CUL2: variants seen among roughly 807,000 people sequenced by gnomAD.
CUL2 encodes the protein cullin 2, also known as cullin-2.
CUL2 carries 22 observed loss-of-function variants against 110.2 expected under a neutral mutation model. That is an observed-to-expected ratio of 0.20 (90% CI 0.14 to 0.28). CUL2 has a LOEUF of 0.28. Among genes scored for constraint, CUL2 ranks in the 10% least tolerant of loss-of-function variants. The probability of loss-of-function intolerance (pLI) is 1.00; values close to 1 mark genes in which losing one functional copy is unlikely to be tolerated. For synonymous variants in CUL2, 279 were observed against 293.2 expected (o/e 0.95, Z 0.49); for missense variants, 631 against 905.5 (o/e 0.70, Z 3.89).
At chr10:35,073,992 T>C (rs2135005325) in intron 1 of CUL2, 1 of 702,240 alleles carries the variant, frequency 1.4e-6, no homozygotes, top group South Asian at 1.5e-5. Flanking sequence ...AATGGTGGCA[T>C]CAGGATTCAG....
At position 35,075,391 on chromosome 10, in the gene CUL2, A is replaced by G. The variant is rs566326953; in HGVS notation, c.-22-4052T>C. ...CAGGGCAAAGAAGAAAAAGGACCACAGTCACACTATTTCTACCCCCCAAGC... is the reference window on the plus strand; with the variant it reads ...CAGGGCAAAGAAGAAAAAGGACCACGGTCACACTATTTCTACCCCCCAAGC... On this transcript the variant is annotated intron_variant, in intron 1 of 20. Transcript: ENST00000374749. Among the ~76,000 whole-genome samples, 825 of 152,306 alleles carry G rather than the reference A, an allele frequency of 5.4e-3. 1 individual carries two copies. The highest frequency in any genetic ancestry group is 7.9e-3 in the Non-Finnish European group (537 of 68,026).
intron 1 of CUL2, among the ~76,000 whole-genome samples, chr10:35,103,618 C>T (rs986345861): frequency 3.6e-4 from 54 of 152,064 alleles, no homozygotes; most frequent in Middle Eastern, 3.4e-3. Context: ...CCACCGCGCC[C>T]GGCCTAATTT....
At chr10:35,115,900 A>C (rs1439903994) in intron 1 of CUL2, among the ~76,000 whole-genome samples, 1 of 152,152 alleles carries the variant, frequency 6.6e-6, no homozygotes, top group Non-Finnish European at 1.5e-5. Context: ...CTCAAAAAAT[A>C]TAATAAAATA....
intron 1 of CUL2, among the ~76,000 whole-genome samples, chr10:35,071,676 G>C (rs1374180181): frequency 1.3e-5 from 2 of 152,158 alleles, no homozygotes; most frequent in African/African-American, 2.4e-5. Context: ...CCAAAGTGCT[G>C]GGATTACAGG....
At chr10:35,062,906 T>C (rs963087939) in intron 3 of CUL2, 54 bp downstream of exon 3, 2 of 1,013,582 alleles carry the variant, frequency 2.0e-6, no homozygotes, top group African/African-American at 3.2e-5. Flanking sequence ...AACAGTAAAC[T>C]AGTAAAGTAT....
At chr10:35,024,532 T>C (rs1359579093) in intron 17 of CUL2, among the ~76,000 whole-genome samples, 1 of 152,226 alleles carries the variant, frequency 6.6e-6, no homozygotes, top group African/African-American at 2.4e-5. Flanking sequence ...AGTGTCTGCT[T>C]TGGCTTACAT....
intron 1 of CUL2, among the ~76,000 whole-genome samples, chr10:35,085,369 G>A (rs978632270): frequency 6.6e-6 from 1 of 151,460 alleles, no homozygotes; most frequent in African/African-American, 2.4e-5. Flanking sequence ...GGCAGAGCTT[G>A]CAGTGAGCTG....
At chr10:35,070,276 T>C (rs1346739113) in intron 2 of CUL2, among the ~76,000 whole-genome samples, 1 of 152,236 alleles carries the variant, frequency 6.6e-6, no homozygotes, top group Non-Finnish European at 1.5e-5. Flanking sequence ...ATAGTTGGCT[T>C]AACAAACTTT....
chr10:35,028,055 C>T (rs958695497), intron 16 of CUL2, among the ~76,000 whole-genome samples: 5 of 152,126 alleles, frequency 3.3e-5, no homozygotes, highest in Admixed American at 2.6e-4. Flanking sequence ...TAAAAGACTG[C>T]CAAGGCCAGG....
chr10:35,116,029 A>T (rs549035379), intron 1 of CUL2, among the ~76,000 whole-genome samples: 11 of 152,116 alleles, frequency 7.2e-5, no homozygotes, highest in African/African-American at 2.4e-4. Flanking sequence ...TACAGATCTG[A>T]TAGACATTAA....
chr10:35,073,789 A>G (rs1334206501), intron 1 of CUL2, among the ~76,000 whole-genome samples: 2 of 151,844 alleles, frequency 1.3e-5, no homozygotes, highest in African/African-American at 2.4e-5. Flanking sequence ...TTTTTAGTAG[A>G]GACAGGGTTT....
intron 1 of CUL2, chr10:35,079,508 G>A (rs544190115): frequency 8.4e-4 from 128 of 152,742 alleles, no homozygotes; most frequent in African/African-American, 2.9e-3. Context: ...CTCTGCTCAT[G>A]TCTTCCACCC....
At chr10:35,051,140 C>T (rs544349452) in intron 5 of CUL2, among the ~76,000 whole-genome samples, 2 of 151,146 alleles carry the variant, frequency 1.3e-5, no homozygotes, top group East Asian at 3.9e-4. Flanking sequence ...AGGGTGAAAC[C>T]CCATCTCTAC....
At chr10:35,036,713 C>T (rs539452517) in intron 9 of CUL2, among the ~76,000 whole-genome samples, 5 of 152,254 alleles carry the variant, frequency 3.3e-5, no homozygotes, top group Non-Finnish European at 7.4e-5. Context: ...TACCCTATAA[C>T]TGTCTTCTGA....
At chr10:35,120,384 AATAAC>A (rs1021942605) in intron 1 of CUL2, 2 of 152,162 alleles carry the variant, frequency 1.3e-5, no homozygotes, top group African/African-American at 4.8e-5. Context: ...TCAATAAATA[AATAAC>A]ATAAAATATA....
chr10:35,018,562 A>G (rs565445438), intron 17 of CUL2, among the ~76,000 whole-genome samples: 4 of 152,052 alleles, frequency 2.6e-5, no homozygotes, highest in Admixed American at 1.3e-4. Flanking sequence ...TCTGGAGTTC[A>G]AGACCAGCCT....
At chr10:35,040,364 T>C (rs2085751595) in intron 8 of CUL2, among the ~76,000 whole-genome samples, 1 of 152,102 alleles carries the variant, frequency 6.6e-6, no homozygotes, top group Non-Finnish European at 1.5e-5. Context: ...CAACAACATA[T>C]ACACAGACAA....
In CUL2 at chr10:35,031,351, A is replaced by T; in HGVS notation, c.1335T>A (p.His445Gln). Residue 445 changes from histidine (H) to glutamine (Q), a missense_variant, in exon 14 of 21, where the codon CAT becomes CAA. This residue lies in a region of CUL2 where 134 missense variants were observed against 260.4 expected (regional missense o/e 0.51). Transcript: ENST00000374749. This position sits in a 1 kb window ranked among gnomAD's most constrained non-coding sequence, Gnocchi z 4.4. ...YARMLAKRLI[H>Q]GLSMSMDSEE... The stretch of plus-strand genomic sequence containing the variant: ...CAGAGTCCATAGACATGGATAACCC[A>T]TGAATTAAACGTTTTGCCAGCATTC... 1 of 1,609,860 alleles carries T rather than the reference A, an allele frequency of 6.2e-7. No individual in the cohort carries two copies. The highest frequency in any genetic ancestry group is 8.5e-7 in the Non-Finnish European group (1 of 1,178,304).
chr10:35,021,637 CATTT>C, intron 17 of CUL2, among the ~76,000 whole-genome samples: 1 of 149,444 alleles, frequency 6.7e-6, no homozygotes, highest in East Asian at 2.0e-4. Flanking sequence ...TTTTTATTTT[CATTT>C]ATTTATTTTC....
Sources: gnomAD v4.1 joint callset for allele counts (sites outside exome capture counted in the v4.1 genomes callset) on GRCh38, gnomAD v4.1.1 for gene constraint, gnomAD v4.1.1 regional missense constraint, Gnocchi (gnomAD v3.1) non-coding constraint, MANE v1.5 for transcripts, NCBI Gene and HGNC (gene_info 2026-07-23, HGNC 2026-07-21) for gene names.